Variants in ITPRID1 observed in about 807,000 individuals in gnomAD.
The protein encoded by ITPRID1 is protein ITPRID1.
A neutral mutation model predicts 95.4 loss-of-function variants in ITPRID1; 96 were observed. The observed-to-expected ratio is 1.01, with a 90% confidence interval of 0.85 to 1.19. The LOEUF is 1.19. Among genes scored for constraint, ITPRID1 ranks in the 50% most tolerant of loss-of-function variants. The pLI is 0.00. For synonymous variants in ITPRID1, 510 were observed against 453.6 expected (o/e 1.12, Z -1.58); for missense variants, 1,339 against 1,252.9 (o/e 1.07, Z -1.04).
At chr7:31,554,440 C>T (rs1014997769) in intron 3 of ITPRID1, 35 bp from the exon 4 acceptor site, 1 of 1,604,904 alleles carries the variant, frequency 6.2e-7, no homozygotes, top group African/African-American at 1.3e-5. Context: ...GCTGGTTGTG[C>T]TTTGACTAAC....
At chr7:31,551,447 C>T (rs1215516615) in intron 2 of ITPRID1, among the ~76,000 whole-genome samples, 2 of 143,712 alleles carry the variant, frequency 1.4e-5, no homozygotes, top group Non-Finnish European at 1.6e-5. Context: ...TTATAATTTG[C>T]TACCAGCAGA....
chr7:31,610,841 G>A, intron 10 of ITPRID1, among the ~76,000 whole-genome samples: 1 of 151,336 alleles, frequency 6.6e-6, no homozygotes, highest in Non-Finnish European at 1.5e-5. Context: ...TGGAACCTAT[G>A]TGTTTTTTGA....
Position 31,583,151 on chromosome 7 carries a change from A to T in ITPRID1, c.1188A>T (p.Glu396Asp). The change falls in exon 10 of 15, where the codon GAA becomes GAT. Residue 396 changes from glutamate (E) to aspartate (D), a missense_variant. Physicochemically the swap from Glu to Asp is conservative, Grantham distance 45. Transcript: ENST00000615280. ...TATCTTAGGTCCAAAGCTTTGAAGA[A>T]GAGACTGGTAATCCTCTTGACATGA... ...FEMEEVQSFE[E>D]ETGNPLDMTS... 1 of 1,611,628 alleles carries T rather than the reference A, an allele frequency of 6.2e-7. No homozygotes were observed. The highest frequency in any genetic ancestry group is 8.5e-7 in the Non-Finnish European group (1 of 1,178,038).
At chr7:31,635,718 G>T (rs890359098) in intron 10 of ITPRID1, among the ~76,000 whole-genome samples, 1 of 151,960 alleles carries the variant, frequency 6.6e-6, no homozygotes, top group Non-Finnish European at 1.5e-5. Context: ...AAGAAAAGAG[G>T]TTTAAATGAG....
chr7:31,641,531 A>G (rs1159580855), intron 10 of ITPRID1, among the ~76,000 whole-genome samples: 1 of 152,206 alleles, frequency 6.6e-6, no homozygotes, highest in Non-Finnish European at 1.5e-5. Flanking sequence ...GTAGCCAACT[A>G]TTTCCCCCAC....
At chr7:31,641,816 G>T (rs1196896085) in intron 10 of ITPRID1, among the ~76,000 whole-genome samples, 1 of 152,060 alleles carries the variant, frequency 6.6e-6, no homozygotes, top group African/African-American at 2.4e-5. Context: ...TATAAAATGT[G>T]GTCTTTCATT....
chr7:31,522,820 T>C (rs540904344), intron 1 of ITPRID1, among the ~76,000 whole-genome samples: 2 of 152,292 alleles, frequency 1.3e-5, no homozygotes, highest in South Asian at 2.1e-4. Context: ...AATATGGCAA[T>C]TGAGTGTTCG....
rs1791087931 is a variant in ITPRID1 at position 31,652,858 on chromosome 7, A to G, written c.*29A>G. On this transcript the variant is annotated 3_prime_UTR_variant, in exon 15 of 15. Coordinates refer to ENST00000615280, the MANE Select transcript of ITPRID1 (RefSeq NM_001257967.3). ...AGAGCAGGTTTGTTAACCTTCATAC[A>G]AAATATAAAGGCCCAGAACAGATGT... 15 of 1,597,196 alleles carry G rather than the reference A, an allele frequency of 9.4e-6. No individual in the cohort carries two copies. In the East Asian group the frequency reaches 3.4e-4, roughly 36 times the overall value.
chr7:31,658,379 C>G (rs1041835330), downstream of ITPRID1: 38 of 1,511,906 alleles, frequency 2.5e-5, no homozygotes, highest in Admixed American at 8.4e-4. Context: ...ACACAAGACT[C>G]TGGTCTGTTG....
At chr7:31,624,707 C>T (rs1418657660) in intron 10 of ITPRID1, among the ~76,000 whole-genome samples, 2 of 150,596 alleles carry the variant, frequency 1.3e-5, no homozygotes, top group African/African-American at 4.9e-5. Context: ...AGGACATAGG[C>T]ATGGGCAAGG....
intron 1 of ITPRID1, among the ~76,000 whole-genome samples, chr7:31,538,177 A>C (rs1783821820): frequency 6.6e-6 from 1 of 152,210 alleles, no homozygotes; most frequent in Non-Finnish European, 1.5e-5. Flanking sequence ...AAGGACTCTC[A>C]TGTACTCTTC....
At chr7:31,573,229 C>G (rs954322261) in intron 7 of ITPRID1, among the ~76,000 whole-genome samples, 1 of 152,168 alleles carries the variant, frequency 6.6e-6, no homozygotes, top group African/African-American at 2.4e-5. Flanking sequence ...AATATTATTT[C>G]AGATGTTCTC....
chr7:31,560,900 C>T (rs955922043), intron 5 of ITPRID1, among the ~76,000 whole-genome samples: 7 of 151,872 alleles, frequency 4.6e-5, no homozygotes, highest in Non-Finnish European at 8.8e-5. Context: ...GTGTTAAAGA[C>T]GGAAGACCAC....
At chr7:31,629,610 A>G (rs968349472) in intron 10 of ITPRID1, among the ~76,000 whole-genome samples, 1 of 152,200 alleles carries the variant, frequency 6.6e-6, no homozygotes, top group Non-Finnish European at 1.5e-5. Context: ...TGCGAATTTT[A>G]TCTTTCAAAA....
chr7:31,629,883 G>C (rs1336976182), intron 10 of ITPRID1, among the ~76,000 whole-genome samples: 1 of 152,128 alleles, frequency 6.6e-6, no homozygotes, highest in Non-Finnish European at 1.5e-5. Context: ...TACTGAATTA[G>C]GAAGTCTTGC....
At chr7:31,591,828 TAATA>T (rs1233802005) in intron 10 of ITPRID1, among the ~76,000 whole-genome samples, 2 of 152,214 alleles carry the variant, frequency 1.3e-5, no homozygotes, top group African/African-American at 4.8e-5. Context: ...TACTTTGATT[TAATA>T]AATAAATAAC....
At chr7:31,558,699 A>G (rs906313465) in intron 5 of ITPRID1, among the ~76,000 whole-genome samples, 3 of 152,178 alleles carry the variant, frequency 2.0e-5, no homozygotes, top group Non-Finnish European at 4.4e-5. Flanking sequence ...TTCACCCTCA[A>G]TAAGAGATAG....
At chr7:31,554,997 A>T in intron 5 of ITPRID1, 96 bp downstream of exon 5, 1 of 934,830 alleles carries the variant, frequency 1.1e-6, no homozygotes, top group Non-Finnish European at 1.7e-6. Flanking sequence ...GCATTATCAG[A>T]GGCTTCTAGA....
intron 9 of ITPRID1, among the ~76,000 whole-genome samples, chr7:31,579,466 G>C (rs1048966914): frequency 3.3e-5 from 5 of 152,198 alleles, no homozygotes; most frequent in Non-Finnish European, 4.4e-5. Context: ...GGGAACTACA[G>C]AGAAGTGGCA....
Sources: gnomAD v4.1 joint callset for allele counts (sites outside exome capture counted in the v4.1 genomes callset) on GRCh38, gnomAD v4.1.1 for gene constraint, MANE v1.5 for transcripts, NCBI Gene and HGNC (gene_info 2026-07-23, HGNC 2026-07-21) for gene names.